The following SNX9 variants were observed in gnomAD, a reference collection of about 807,000 sequenced individuals.
SNX9 encodes sorting nexin-9.
SNX9 carries 44 observed loss-of-function variants against 89.4 expected under a neutral mutation model. That is an observed-to-expected ratio of 0.49 (90% confidence interval 0.39 to 0.63). SNX9 has a LOEUF of 0.63. SNX9 is among the 30% of genes least tolerant of loss of function. The probability of loss-of-function intolerance (pLI) is 0.00; values close to 1 mark genes in which losing one functional copy is unlikely to be tolerated. For synonymous variants in SNX9, 236 were observed against 247.8 expected (o/e 0.95, Z 0.45); for missense variants, 578 against 736.1 (o/e 0.79, Z 2.49).
At position 157,826,787 on chromosome 6, in the gene SNX9, TA is replaced by T. The variant is rs67470291; in HGVS notation, c.12+3342del. Among the ~76,000 whole-genome samples the T allele has an allele frequency of 1.5e-4, 15 of 99,048 alleles. 2 individuals carry two copies. The highest frequency in any genetic ancestry group is 2.6e-4 in the South Asian group (1 of 3,812). 65.0% of individuals were successfully genotyped at this position (99,048 alleles called of 152,430 possible). On this transcript the variant is annotated intron_variant, in intron 1 of 17. Transcript: ENST00000392185. Reference sequence around the variant, plus strand: ...TATATGATATATAAATATATTATATTATATATATATATTATATTTTATATAT... The same window carrying T: ...TATATGATATATAAATATATTATATTTATATATATATTATATTTTATATAT...
intron 9 of SNX9, among the ~76,000 whole-genome samples, chr6:157,912,420 T>TA (rs3840368): frequency 0.22 from 32,881 of 151,582 alleles, 3,621 homozygotes; most frequent in Non-Finnish European, 0.23. Context: ...AAGATTTGTT[T>TA]AAAAAAAAAT....
chr6:157,842,756 A>G (rs193104720), intron 1 of SNX9, among the ~76,000 whole-genome samples: 1 of 152,292 alleles, frequency 6.6e-6, no homozygotes, highest in Admixed American at 6.5e-5. Context: ...AGGGTCTGCA[A>G]ATATCTTAAT....
intron 9 of SNX9, among the ~76,000 whole-genome samples, chr6:157,911,063 A>C (rs1242344865): frequency 4.6e-5 from 7 of 152,138 alleles, no homozygotes; most frequent in Admixed American, 6.5e-5. Flanking sequence ...CGGTGAGCCG[A>C]GATTGCGCCA....
chr6:157,859,532 T>G (rs1782076951), intron 1 of SNX9, among the ~76,000 whole-genome samples: 7 of 152,220 alleles, frequency 4.6e-5, no homozygotes, highest in Admixed American at 4.6e-4. Flanking sequence ...TAGCATCAGA[T>G]TTGCAGAAAT....
At chr6:157,934,895 G>C (rs374430702) in intron 13 of SNX9, among the ~76,000 whole-genome samples, 6 of 152,252 alleles carry the variant, frequency 3.9e-5, no homozygotes, top group African/African-American at 1.4e-4. Context: ...TAAGGTCCAC[G>C]TCCCACCACA....
chr6:157,941,329 C>T (rs868699305), intron 17 of SNX9, among the ~76,000 whole-genome samples: 1 of 152,206 alleles, frequency 6.6e-6, no homozygotes, highest in South Asian at 2.1e-4. Context: ...CCTGGGACTC[C>T]GTTGGCAGCT....
intron 1 of SNX9, among the ~76,000 whole-genome samples, chr6:157,825,317 G>C (rs762980200): frequency 1.7e-4 from 26 of 152,210 alleles, no homozygotes; most frequent in Admixed American, 1.3e-4. Context: ...CTGTCTAGTG[G>C]TGGTCAGTGT....
intron 1 of SNX9, among the ~76,000 whole-genome samples, chr6:157,867,192 ATCC>A (rs2115134401): frequency 6.6e-6 from 1 of 152,254 alleles, no homozygotes; most frequent in South Asian, 2.1e-4. Flanking sequence ...GCCTCAAGCA[ATCC>A]TCCTGCTATT....
chr6:157,912,308 G>A (rs1783364849), intron 9 of SNX9, among the ~76,000 whole-genome samples: 1 of 152,166 alleles, frequency 6.6e-6, no homozygotes, highest in African/African-American at 2.4e-5. Flanking sequence ...AGGCTTGTAA[G>A]AAATTCTCAT....
At chr6:157,934,047 A>C (rs954989534) in intron 13 of SNX9, 1 of 152,242 alleles carries the variant, frequency 6.6e-6, no homozygotes, top group Non-Finnish European at 1.5e-5. Context: ...TACTGTGTCC[A>C]TCACATCCAC....
At chr6:157,881,295 G>GA (rs1198112958) in intron 4 of SNX9, among the ~76,000 whole-genome samples, 1 of 152,046 alleles carries the variant, frequency 6.6e-6, no homozygotes, top group African/African-American at 2.4e-5. Flanking sequence ...CCACAATGGC[G>GA]AGCTTAATTG....
intron 16 of SNX9, among the ~76,000 whole-genome samples, chr6:157,940,205 C>T (rs1784009577): frequency 6.6e-6 from 1 of 152,212 alleles, no homozygotes; most frequent in South Asian, 2.1e-4. Flanking sequence ...GCAGGGACCC[C>T]AGCTGCCTGC....
chr6:157,899,039 G>A (rs1434631329), intron 5 of SNX9, among the ~76,000 whole-genome samples: 1 of 152,142 alleles, frequency 6.6e-6, no homozygotes, highest in Non-Finnish European at 1.5e-5. Flanking sequence ...GGACACTCAG[G>A]CCGTTAGAGT....
intron 13 of SNX9, among the ~76,000 whole-genome samples, chr6:157,933,834 T>G (rs1353547778): frequency 1.2e-4 from 18 of 152,266 alleles, no homozygotes; most frequent in African/African-American, 4.1e-4. Context: ...CGTGATTCTT[T>G]AACATTTTCT....
chr6:157,894,484 AAAG>A lies in SNX9; in HGVS notation c.301-2342_301-2340del, dbSNP rs1367233485. On this transcript the variant is annotated intron_variant, in intron 4 of 17. Coordinates refer to ENST00000392185, the MANE Select transcript of SNX9 (RefSeq NM_016224.5). ...AAATGTTAAAAAAAAAAAAAAAAAA[AAAG>A]CTAACAAAAAACTGTATTTGCCTCA... 2.6e-5 allele frequency among the ~76,000 whole-genome samples: 4 copies of A among 151,392 alleles called. No homozygotes were observed. In the East Asian group the frequency reaches 5.8e-4, roughly 22 times the overall value.
In SNX9 at chr6:157,861,246, A is replaced by G. The variant is rs932661603; in HGVS notation, c.13-6301A>G. On this transcript the variant is annotated intron_variant, in intron 1 of 17. Coordinates refer to ENST00000392185, the MANE Select transcript of SNX9 (RefSeq NM_016224.5). Reference sequence around the variant, plus strand: ...TCTTGACTATACTTTTGAATGGATTATTAAAGAAATTGCTTCTCAACATTT... The same window carrying G: ...TCTTGACTATACTTTTGAATGGATTGTTAAAGAAATTGCTTCTCAACATTT... 3.3e-5 allele frequency among the ~76,000 whole-genome samples: 5 copies of G among 152,230 alleles called. No individual in the cohort carries two copies. The East Asian group carries it at 9.6e-4, about 29-fold the overall frequency.
intron 6 of SNX9, among the ~76,000 whole-genome samples, chr6:157,903,354 T>C (rs1783146102): frequency 1.3e-5 from 2 of 152,242 alleles, no homozygotes; most frequent in South Asian, 4.1e-4. Context: ...TATATTTAAA[T>C]AGCTTCAGTG....
In SNX9 at chr6:157,823,869, G is replaced by A. The variant is rs1362311342; in HGVS notation, c.12+423G>A. The stretch of plus-strand genomic sequence containing the variant: ...CACGTCCCCTCCCGCTGCCGCCTGG[G>A]GGACCCTCGCCCCCGCGGGGCGGGT... On this transcript the variant is annotated intron_variant, in intron 1 of 17. Coordinates refer to ENST00000392185, the MANE Select transcript of SNX9 (RefSeq NM_016224.5). The surrounding 1 kb of genome is among the most constrained non-coding windows in gnomAD (Gnocchi z 4.6). Among the ~76,000 whole-genome samples, 4 of 152,050 alleles carry A rather than the reference G, an allele frequency of 2.6e-5. No homozygotes were observed. Among genetic ancestry groups the A allele is most frequent in the African/African-American group, 9.7e-5 (4 of 41,430 alleles).
intron 13 of SNX9, among the ~76,000 whole-genome samples, 183 bp downstream of exon 13, chr6:157,932,455 A>G (rs1192223713): frequency 3.3e-5 from 5 of 152,206 alleles, no homozygotes; most frequent in Non-Finnish European, 2.9e-5. Context: ...GAGAAAAGCC[A>G]AAGGTGGTTA....
Sources: gnomAD v4.1 joint callset for allele counts (sites outside exome capture counted in the v4.1 genomes callset) on GRCh38, gnomAD v4.1.1 for gene constraint, Gnocchi (gnomAD v3.1) non-coding constraint, MANE v1.5 for transcripts, NCBI Gene and HGNC (gene_info 2026-07-23, HGNC 2026-07-21) for gene names.